The following WFDC13 variants were observed in gnomAD, a reference collection of about 807,000 sequenced individuals.
The protein encoded by WFDC13 is WAP four-disulfide core domain 13, also known as WAP four-disulfide core domain protein 13.
A neutral mutation model predicts 10.9 loss-of-function variants in WFDC13; 6 were observed. The observed-to-expected ratio is 0.55, with a 90% confidence interval of 0.30 to 1.09. WFDC13 has a LOEUF of 1.09. Among genes scored for constraint, WFDC13 ranks in the 50% least tolerant of loss-of-function variants. The pLI, the probability that WFDC13 is intolerant of heterozygous loss-of-function variation, is 0.06. For synonymous variants in WFDC13, 38 were observed against 39.5 expected (o/e 0.96, Z 0.14); for missense variants, 104 against 109.6 (o/e 0.95, Z 0.23).
chr20:45,704,813 T>C, intron 2 of WFDC13: 1 of 1,341,674 alleles, frequency 7.5e-7, no homozygotes, highest in Non-Finnish European at 1.1e-6. Context: ...CCCATCACCA[T>C]ATCCGTGAAT....
intron 1 of WFDC13, 95 bp downstream of exon 1, chr20:45,702,306 C>A (rs1053682092): frequency 3.5e-5 from 44 of 1,275,308 alleles, no homozygotes; most frequent in Middle Eastern, 3.8e-4. Flanking sequence ...TGGAAAAATA[C>A]CGTGTCATGT....
intron 1 of WFDC13, 95 bp downstream of exon 1, chr20:45,702,306 C>T (rs1053682092): frequency 8.6e-6 from 11 of 1,275,430 alleles, no homozygotes; most frequent in Non-Finnish European, 9.9e-6. Context: ...TGGAAAAATA[C>T]CGTGTCATGT....
intron 1 of WFDC13, among the ~76,000 whole-genome samples, chr20:45,703,535 T>C (rs1263750985): frequency 2.0e-5 from 3 of 152,132 alleles, no homozygotes; most frequent in East Asian, 1.9e-4. Flanking sequence ...CTTTTGACTT[T>C]TGCCCCCAAA....
rs202149081 is a variant in WFDC13 at position 45,702,092 on chromosome 20, G to A, written c.-32G>A. The A allele has an allele frequency of 2.5e-5, 40 of 1,602,406 alleles. No individual in the cohort carries two copies. The East Asian group carries it at 9.0e-4, about 36-fold the overall frequency. ...GCCTGGTCAAACCCAGCAACCCTTG[G>A]CCAGAACTTACTCACCCATCCCACT... On this transcript the variant is annotated 5_prime_UTR_variant, in exon 1 of 4. Transcript: ENST00000305479.
At chr20:45,705,131 G>A (rs1312536923) in intron 2 of WFDC13, 2 of 749,288 alleles carry the variant, frequency 2.7e-6, no homozygotes, top group Non-Finnish European at 2.3e-6. Context: ...GGGTGCTGAT[G>A]AGACATATGG....
chr20:45,703,665 A>G (rs1984267526), intron 1 of WFDC13, among the ~76,000 whole-genome samples: 1 of 152,092 alleles, frequency 6.6e-6, no homozygotes, highest in Admixed American at 6.6e-5. Context: ...GGACTTAGGG[A>G]AGACTCTCCC....
Position 45,704,613 on chromosome 20 carries a change from C to A in WFDC13, c.239+19C>A. ...GCAACAGGTAAGAGATATCTCATATCCAGGTCTGATCCTAGAGCTGCTGGT... is the reference window on the plus strand; with the variant it reads ...GCAACAGGTAAGAGATATCTCATATACAGGTCTGATCCTAGAGCTGCTGGT... On this transcript the variant is annotated intron_variant, in intron 2 of 3. Coordinates refer to ENST00000305479, the MANE Select transcript of WFDC13 (RefSeq NM_172005.2). The A allele has an allele frequency of 2.5e-6, 4 of 1,612,720 alleles. No homozygotes were observed. The highest frequency in any genetic ancestry group is 3.4e-6 in the Non-Finnish European group (4 of 1,179,450).
At chr20:45,702,404 C>T (rs6032445) in intron 1 of WFDC13, among the ~76,000 whole-genome samples, 193 bp downstream of exon 1, 89,845 of 152,066 alleles carry the variant, frequency 0.59, 27,596 homozygotes, top group East Asian at 0.98. Flanking sequence ...ATCTGGGCCT[C>T]AGGTTTTTAT....
chr20:45,702,444 T>C (rs1280826542), intron 1 of WFDC13, among the ~76,000 whole-genome samples: 1 of 152,216 alleles, frequency 6.6e-6, no homozygotes, highest in African/African-American at 2.4e-5. Flanking sequence ...GGAGAACAGA[T>C]AATGCATGCA....
At chr20:45,703,458 C>A (rs1367542358) in intron 1 of WFDC13, among the ~76,000 whole-genome samples, 2 of 152,188 alleles carry the variant, frequency 1.3e-5, no homozygotes, top group Non-Finnish European at 2.9e-5. Flanking sequence ...CTATAGATTT[C>A]CTTCTAATTG....
At chr20:45,704,330 C>G (rs1441431554) in intron 1 of WFDC13, 114 bp from the exon 2 acceptor site, 2 of 1,403,824 alleles carry the variant, frequency 1.4e-6, no homozygotes, top group Admixed American at 4.7e-5. Flanking sequence ...ACCCTGGAAC[C>G]ATGCAAGGCA....
At chr20:45,705,818 G>C in intron 2 of WFDC13, 45 bp from the exon 3 acceptor site, 2 of 1,571,224 alleles carry the variant, frequency 1.3e-6, no homozygotes, top group Non-Finnish European at 1.7e-6. Context: ...ATCTCTAAAA[G>C]TAAAACTTCA....
rs1222571307 is a variant in WFDC13, at chr20:45,704,435, G to C, written c.89-9G>C. 1.2e-6 allele frequency: 2 copies of C among 1,609,658 alleles called. No individual in the cohort carries two copies. The highest frequency in any genetic ancestry group is 1.7e-5 in the Admixed American group (1 of 59,296). ...GTGAGGCCCTTCTCTTACTTGTTCTGTGTTCCAGAGTATATCTTGGAACCT... is the reference window on the plus strand; with the variant it reads ...GTGAGGCCCTTCTCTTACTTGTTCTCTGTTCCAGAGTATATCTTGGAACCT... On this transcript the variant is annotated splice_polypyrimidine_tract_variant and intron_variant, in intron 1 of 3. Coordinates refer to ENST00000305479, the MANE Select transcript of WFDC13 (RefSeq NM_172005.2).
chr20:45,705,445 T>G (rs1031990914), intron 2 of WFDC13, among the ~76,000 whole-genome samples: 2 of 152,222 alleles, frequency 1.3e-5, no homozygotes, highest in Non-Finnish European at 2.9e-5. Flanking sequence ...CCTGGCTTCT[T>G]AGCTAAGTGA....
chr20:45,707,281 T>G (rs1984433582), intron 3 of WFDC13, among the ~76,000 whole-genome samples: 1 of 152,222 alleles, frequency 6.6e-6, no homozygotes, highest in South Asian at 2.1e-4. Context: ...CAGGAAATAC[T>G]GTTCAGAAAA....
At position 45,704,610 on chromosome 20, in the gene WFDC13, T is replaced by C. The variant is rs1219367843; in HGVS notation, c.239+16T>C. On this transcript the variant is annotated intron_variant, in intron 2 of 3. Coordinates refer to ENST00000305479, the MANE Select transcript of WFDC13 (RefSeq NM_172005.2). Reference sequence around the variant, plus strand: ...AGCGCAACAGGTAAGAGATATCTCATATCCAGGTCTGATCCTAGAGCTGCT... The same window carrying C: ...AGCGCAACAGGTAAGAGATATCTCACATCCAGGTCTGATCCTAGAGCTGCT... The C allele has an allele frequency of 2.5e-6, 4 of 1,612,902 alleles. No homozygotes were observed. The highest frequency in any genetic ancestry group is 1.3e-5 in the African/African-American group (1 of 74,828).
chr20:45,703,714 G>A (rs60127646), intron 1 of WFDC13, among the ~76,000 whole-genome samples: 6,501 of 152,130 alleles, frequency 0.043, 493 homozygotes, highest in African/African-American at 0.15. Flanking sequence ...AAATACTTGG[G>A]GGTAGGGGAG....
At position 45,707,869 on chromosome 20, in the gene WFDC13, G is replaced by A. The variant is rs1984457535; in HGVS notation, c.*34G>A. 1 of 152,224 alleles carries A rather than the reference G, an allele frequency of 6.6e-6. No homozygotes were observed. The highest frequency in any genetic ancestry group is 1.5e-5 in the Non-Finnish European group (1 of 68,038). 9.4% of individuals were successfully genotyped at this position (152,224 alleles called of 1,614,324 possible). A position where few individuals can be genotyped will look rare whatever the true frequency, so the allele number is the denominator to read the frequency against. On this transcript the variant is annotated 3_prime_UTR_variant, in exon 4 of 4. Transcript: ENST00000305479. The stretch of plus-strand genomic sequence containing the variant: ...TTCCTTCCCCACAGGCCTCTACGAT[G>A]TTTTTTCTTGGTCCACCTTTAGGAA...
At chr20:45,706,781 A>G (rs1667927416) in intron 3 of WFDC13, among the ~76,000 whole-genome samples, 1 of 152,196 alleles carries the variant, frequency 6.6e-6, no homozygotes, top group South Asian at 2.1e-4. Context: ...CAAAAAAAAA[A>G]AAAGAGGGAG....
Sources: allele counts gnomAD v4.1 joint callset (sites outside exome capture counted in the v4.1 genomes callset), GRCh38; gene constraint gnomAD v4.1.1; transcripts MANE v1.5; gene names NCBI Gene and HGNC (gene_info 2026-07-23, HGNC 2026-07-21).